EPN2: variants seen among roughly 807,000 people sequenced by gnomAD.
EPN2 encodes the protein epsin 2.
EPN2 carries 34 observed loss-of-function variants against 61.7 expected under a neutral mutation model. That is an observed-to-expected ratio of 0.55 (90% confidence interval 0.42 to 0.73). The LOEUF (loss-of-function observed/expected upper bound fraction) is 0.73. EPN2 is among the 30% of genes least tolerant of loss of function. The pLI is 0.00. For missense variants in EPN2, 714 were observed against 839.2 expected (o/e 0.85, Z 1.84); for synonymous variants, 349 against 353.6 (o/e 0.99, Z 0.15).
chr17:19,240,589 C>T (rs1447194708), intron 1 of EPN2, among the ~76,000 whole-genome samples: 2 of 152,160 alleles, frequency 1.3e-5, no homozygotes, highest in Admixed American at 6.5e-5. Flanking sequence ...TGAGGAATTA[C>T]GTAGTTTGTA....
chr17:19,262,233 C>T (rs1171717942), intron 1 of EPN2, among the ~76,000 whole-genome samples: 5 of 151,830 alleles, frequency 3.3e-5, no homozygotes, highest in African/African-American at 1.2e-4. Context: ...AATCCCAGCA[C>T]TTTGGGAGGC....
chr17:19,313,386 G>T, intron 7 of EPN2, 107 bp downstream of exon 7: 5 of 1,092,840 alleles, frequency 4.6e-6, no homozygotes, highest in Non-Finnish European at 6.4e-6. Context: ...GATTGTGGTG[G>T]GTGTCCAGGC....
At chr17:19,238,781 A>G (rs1274058075) in intron 1 of EPN2, among the ~76,000 whole-genome samples, 1 of 152,180 alleles carries the variant, frequency 6.6e-6, no homozygotes, top group Non-Finnish European at 1.5e-5. Flanking sequence ...GCAGGAAAAT[A>G]TGAGAAGTAA....
Position 19,334,027 on chromosome 17 carries a change from CTTCGGGGGA to C in EPN2, c.1700_1708del (p.Leu567_Ser570delinsArg). On this transcript the variant is annotated inframe_deletion, in exon 11 of 11. Coordinates refer to ENST00000314728, the MANE Select transcript of EPN2 (RefSeq NM_014964.5). This position sits in a 1 kb window ranked among gnomAD's most constrained non-coding sequence, Gnocchi z 4.9. ...GCCCCAGCCGCTGACACTGAACCAG[CTTCGGGGGA>C]GCCCAGTCCTGGGGACCAGCACATC... 1 of 1,603,926 alleles carries C rather than the reference CTTCGGGGGA, an allele frequency of 6.2e-7. No individual in the cohort carries two copies. The highest frequency in any genetic ancestry group is 8.5e-7 in the Non-Finnish European group (1 of 1,173,652).
intron 7 of EPN2, among the ~76,000 whole-genome samples, chr17:19,321,004 A>G (rs1243468501): frequency 6.6e-6 from 1 of 152,198 alleles, no homozygotes; most frequent in Non-Finnish European, 1.5e-5. Context: ...CGATGTTCTC[A>G]TGGAGCACAT....
At chr17:19,271,787 A>G (rs1378683805) in intron 1 of EPN2, 1 of 152,290 alleles carries the variant, frequency 6.6e-6, no homozygotes, top group Non-Finnish European at 1.5e-5. Context: ...GCACTTGTAC[A>G]TGCACAGTGT....
chr17:19,329,011 A>T (rs1907036912), intron 8 of EPN2, 124 bp downstream of exon 8: 1 of 851,576 alleles, frequency 1.2e-6, no homozygotes, highest in African/African-American at 1.7e-5. Context: ...CCTCCCCCTT[A>T]GCCTTTGTTC....
At position 19,331,884 on chromosome 17, in the gene EPN2, C is replaced by T; in HGVS notation, c.1443C>T (p.Asn481=). Residue 481 remains asparagine, a synonymous_variant, in exon 10 of 11, where the codon AAC becomes AAT. Coordinates refer to ENST00000314728, the MANE Select transcript of EPN2 (RefSeq NM_014964.5). ...CTGTGACCTCTCTGCCATCCCAAAA[C>T]AATGGAACTACCAGCCCTGACCCCT... ...AESVTSLPSQ[N]NGTTSPDPFE... is the part of the protein sequence containing the mutation. 2 of 1,614,206 alleles carry T rather than the reference C, an allele frequency of 1.2e-6. No homozygotes were observed. The highest frequency in any genetic ancestry group is 1.7e-6 in the Non-Finnish European group (2 of 1,180,036).
chr17:19,312,886 G>C, intron 6 of EPN2: 1 of 533,904 alleles, frequency 1.9e-6, no homozygotes. Context: ...CTGAAGTCTG[G>C]TGAGGGGGTT....
chr17:19,252,159 G>T (rs751617429), intron 1 of EPN2, among the ~76,000 whole-genome samples: 1 of 152,000 alleles, frequency 6.6e-6, no homozygotes, highest in Admixed American at 6.6e-5. Context: ...AGACTAGGCC[G>T]CACAGCTCCC....
intron 1 of EPN2, among the ~76,000 whole-genome samples, chr17:19,266,261 A>G (rs543965472): frequency 6.6e-6 from 1 of 152,352 alleles, no homozygotes; most frequent in East Asian, 1.9e-4. Context: ...GAAATGCCAT[A>G]GTATTTTGGC....
At chr17:19,317,606 TCCCTGTGAATGGG>T (rs1906447927) in intron 7 of EPN2, among the ~76,000 whole-genome samples, 1 of 152,188 alleles carries the variant, frequency 6.6e-6, no homozygotes, top group Non-Finnish European at 1.5e-5. Flanking sequence ...GGACACAGGC[TCCCTGTGAATGGG>T]CCCCACAGAG....
chr17:19,328,315 C>G (rs939025508), intron 7 of EPN2, among the ~76,000 whole-genome samples: 25 of 152,064 alleles, frequency 1.6e-4, no homozygotes, highest in Admixed American at 1.2e-3. Flanking sequence ...GCCTGGGGCC[C>G]CTTGTCTGAG....
chr17:19,298,654 G>GA (rs768991553), intron 4 of EPN2, among the ~76,000 whole-genome samples: 4 of 152,274 alleles, frequency 2.6e-5, no homozygotes, highest in Non-Finnish European at 5.9e-5. Flanking sequence ...ACAGACACCC[G>GA]CTACCGAGCC....
chr17:19,332,103 C>T, intron 10 of EPN2, 35 bp downstream of exon 10: 1 of 1,518,484 alleles, frequency 6.6e-7, no homozygotes. Flanking sequence ...CCATTGCCTG[C>T]TGTGCCTGGG....
intron 7 of EPN2, among the ~76,000 whole-genome samples, chr17:19,325,472 A>G (rs916910966): frequency 3.9e-5 from 6 of 152,138 alleles, no homozygotes; most frequent in African/African-American, 1.5e-4. Context: ...ACAGATTAAA[A>G]CAGAAAACAT....
intron 1 of EPN2, among the ~76,000 whole-genome samples, chr17:19,244,274 C>A (rs2044919947): frequency 6.6e-6 from 1 of 152,122 alleles, no homozygotes; most frequent in South Asian, 2.1e-4. Flanking sequence ...GCATGGCCAA[C>A]ATGGCGAAAC....
intron 1 of EPN2, among the ~76,000 whole-genome samples, chr17:19,277,933 C>T (rs1447066037): frequency 2.0e-5 from 3 of 152,016 alleles, no homozygotes; most frequent in African/African-American, 2.4e-5. Context: ...ATTAGCTGGG[C>T]GTGGTGGTGG....
chr17:19,243,117 C>T (rs1042171020), intron 1 of EPN2, among the ~76,000 whole-genome samples: 1 of 152,094 alleles, frequency 6.6e-6, no homozygotes, highest in African/African-American at 2.4e-5. Flanking sequence ...CCTTGTTTCT[C>T]AAACTCCTGT....
Sources: allele counts gnomAD v4.1 joint callset (sites outside exome capture counted in the v4.1 genomes callset), GRCh38; gene constraint gnomAD v4.1.1; non-coding constraint Gnocchi (gnomAD v3.1); transcripts MANE v1.5; gene names NCBI Gene and HGNC (gene_info 2026-07-23, HGNC 2026-07-21).